STAC: variants seen among roughly 807,000 people sequenced by gnomAD.
The protein encoded by STAC is SH3 and cysteine rich domain.
A neutral mutation model predicts 48.8 loss-of-function variants in STAC; 43 were observed. That is an observed-to-expected ratio of 0.88 (90% CI 0.69 to 1.14). STAC has a LOEUF of 1.14. Ranked by LOEUF, STAC falls within the 50% of genes most tolerant of loss-of-function variation. The pLI is 0.00. For missense variants in STAC, 497 were observed against 504.0 expected, an observed-to-expected ratio of 0.99 and a Z score of 0.13; for synonymous variants, 193 against 179.5, an observed-to-expected ratio of 1.07 and a Z score of -0.60.
At chr3:36,416,937 C>G (rs573053440) in intron 1 of STAC, among the ~76,000 whole-genome samples, 6 of 152,260 alleles carry the variant, frequency 3.9e-5, no homozygotes, top group Non-Finnish European at 7.4e-5. Context: ...GTTTATAACC[C>G]CCATCACCCA....
chr3:36,472,405 C>T (rs564101865), intron 2 of STAC, among the ~76,000 whole-genome samples: 51 of 152,378 alleles, frequency 3.3e-4, no homozygotes, highest in African/African-American at 1.2e-3. Context: ...GGAATTAACA[C>T]TGGGATCCTT....
intron 1 of STAC, among the ~76,000 whole-genome samples, chr3:36,385,015 T>A (rs983250368): frequency 2.0e-5 from 3 of 152,156 alleles, no homozygotes; most frequent in Admixed American, 2.0e-4. Context: ...AAACGAAACC[T>A]TGGCTTTGCA....
At chr3:36,534,317 C>A (rs1023407516) in intron 10 of STAC, among the ~76,000 whole-genome samples, 1 of 152,140 alleles carries the variant, frequency 6.6e-6, no homozygotes, top group African/African-American at 2.4e-5. Context: ...AAATGCATAG[C>A]AGAAGTCATT....
At chr3:36,464,434 A>AC (rs2125686501) in intron 2 of STAC, among the ~76,000 whole-genome samples, 1 of 152,138 alleles carries the variant, frequency 6.6e-6, no homozygotes, top group African/African-American at 2.4e-5. Flanking sequence ...TTGTCAGATT[A>AC]TTTTTAATTT....
intron 2 of STAC, among the ~76,000 whole-genome samples, chr3:36,481,693 CTTG>C (rs1267301418): frequency 6.6e-6 from 1 of 152,248 alleles, no homozygotes; most frequent in Admixed American, 6.5e-5. Flanking sequence ...GAATCACATA[CTTG>C]TTGGACTCAC....
chr3:36,398,607 AGGAG>A (rs1559477454), intron 1 of STAC, among the ~76,000 whole-genome samples: 2 of 91,804 alleles, frequency 2.2e-5, no homozygotes, highest in Non-Finnish European at 4.5e-5. Flanking sequence ...GAAGAAAGGA[AGGAG>A]GGAAGGAAGA....
At chr3:36,388,299 T>C (rs1011939268) in intron 1 of STAC, among the ~76,000 whole-genome samples, 2 of 152,150 alleles carry the variant, frequency 1.3e-5, no homozygotes, top group Non-Finnish European at 2.9e-5. Flanking sequence ...TCTTTTTTGG[T>C]ATGTGAATTA....
intron 1 of STAC, among the ~76,000 whole-genome samples, chr3:36,382,866 T>G (rs1699540646): frequency 6.6e-6 from 1 of 152,200 alleles, no homozygotes; most frequent in African/African-American, 2.4e-5. Context: ...GAGGAAAATG[T>G]GAACAAGACA....
At chr3:36,387,263 T>C (rs1287409946) in intron 1 of STAC, among the ~76,000 whole-genome samples, 1 of 152,102 alleles carries the variant, frequency 6.6e-6, no homozygotes, top group African/African-American at 2.4e-5. Flanking sequence ...CCTTCTTTTT[T>C]AGATTCTACT....
At chr3:36,537,192 G>A (rs941152270) in intron 10 of STAC, among the ~76,000 whole-genome samples, 7 of 151,980 alleles carry the variant, frequency 4.6e-5, no homozygotes, top group African/African-American at 1.7e-4. Flanking sequence ...CCCATTACTG[G>A]GTATATACCT....
chr3:36,538,275 T>C (rs925433835), intron 10 of STAC, among the ~76,000 whole-genome samples: 4 of 152,184 alleles, frequency 2.6e-5, no homozygotes, highest in Admixed American at 2.0e-4. Context: ...GCTTTCATGC[T>C]ACAACTAAAT....
chr3:36,453,626 A>AGGAGGCTAG (rs1553636173), intron 2 of STAC, among the ~76,000 whole-genome samples: 1 of 99,332 alleles, frequency 1.0e-5, no homozygotes, highest in African/African-American at 3.4e-5. Context: ...CTCCCTGACG[A>AGGAGGCTAG]GCGCCGCCCC....
intron 8 of STAC, among the ~76,000 whole-genome samples, chr3:36,521,339 C>T (rs1698800563): frequency 2.0e-5 from 3 of 152,094 alleles, no homozygotes; most frequent in Admixed American, 6.6e-5. Context: ...AGATTCAAAC[C>T]TTGCCTGTAA....
At chr3:36,484,842 A>G in intron 3 of STAC, 135 bp from the exon 4 acceptor site, 1 of 561,478 alleles carries the variant, frequency 1.8e-6, no homozygotes, top group Non-Finnish European at 3.0e-6. Context: ...GTGGAATTAT[A>G]GGATAAGTCG....
Position 36,419,398 on chromosome 3 carries a change from C to G in STAC, c.112-23966C>G, listed in dbSNP as rs138266071. Among the ~76,000 whole-genome samples the G allele has an allele frequency of 5.3e-5, 8 of 152,248 alleles. No individual in the cohort carries two copies. In the East Asian group the frequency reaches 1.4e-3, roughly 26 times the overall value. ...AAAGGGAAAAACCTCTCCTTCACCCCCTAAAGGTTCACTGAAAAATCAACA... is the reference window on the plus strand; with the variant it reads ...AAAGGGAAAAACCTCTCCTTCACCCGCTAAAGGTTCACTGAAAAATCAACA... On this transcript the variant is annotated intron_variant, in intron 1 of 10. Transcript: ENST00000273183.
chr3:36,530,593 C>CTTTTTTTTTTTTTTTTT (rs577222686), intron 10 of STAC, among the ~76,000 whole-genome samples: 25 of 72,004 alleles, frequency 3.5e-4, no homozygotes, highest in East Asian at 4.3e-4. Context: ...TTTTTTTTTT[C>CTTTTTTTTTTTTTTTTT]TTTTTTTTTT....
intron 1 of STAC, among the ~76,000 whole-genome samples, chr3:36,426,256 A>C (rs1488127512): frequency 1.3e-5 from 2 of 152,162 alleles, no homozygotes; most frequent in African/African-American, 4.8e-5. Context: ...ATTAGGAGGA[A>C]GCAAAGTCTC....
chr3:36,415,444 C>T lies in STAC; in HGVS notation c.112-27920C>T, dbSNP rs185259507. On this transcript the variant is annotated intron_variant, in intron 1 of 10. Transcript: ENST00000273183. ...GCTGTGCTAGCAATGAGCAAGGCTC[C>T]GTGGGCGTGGGATATAATCTCCTGG... 2.6e-4 allele frequency among the ~76,000 whole-genome samples: 39 copies of T among 152,276 alleles called. No individual in the cohort carries two copies. The East Asian group carries it at 5.8e-3, about 23-fold the overall frequency.
At chr3:36,398,378 G>GAA (rs1559477090) in intron 1 of STAC, among the ~76,000 whole-genome samples, 2 of 96,620 alleles carry the variant, frequency 2.1e-5, no homozygotes, top group Non-Finnish European at 4.2e-5. Flanking sequence ...AAAAGAAAGA[G>GAA]AGAAAGAAAG....
Sources: gnomAD v4.1 joint callset for allele counts (sites outside exome capture counted in the v4.1 genomes callset) on GRCh38, gnomAD v4.1.1 for gene constraint, MANE v1.5 for transcripts, NCBI Gene and HGNC (gene_info 2026-07-23, HGNC 2026-07-21) for gene names.